SPAG16: variants seen among roughly 807,000 people sequenced by gnomAD.
SPAG16 encodes sperm associated antigen 16.
Under a neutral mutation model 80.4 loss-of-function variants are expected in SPAG16, and 86 were observed. The ratio of observed to expected loss-of-function variants is 1.07; its 90% confidence interval spans 0.90 to 1.28. The LOEUF (loss-of-function observed/expected upper bound fraction) is 1.28. Ranked by LOEUF, SPAG16 falls within the 50% of genes most tolerant of loss-of-function variation. The pLI is 0.00. For synonymous variants in SPAG16, 294 were observed against 265.9 expected, an observed-to-expected ratio of 1.11 and a Z score of -1.03; for missense variants, 870 against 765.3, an observed-to-expected ratio of 1.14 and a Z score of -1.61.
Position 214,256,788 on chromosome 2 carries a change from T to G in SPAG16, c.1720+107522T>G, listed in dbSNP as rs200499805. ...TTGTTACATTGATCTATTGTCAATTTTTATGCCAGTACCACACTTTCCTTA... is the reference window on the plus strand; with the variant it reads ...TTGTTACATTGATCTATTGTCAATTGTTATGCCAGTACCACACTTTCCTTA... On this transcript the variant is annotated intron_variant, in intron 15 of 15. Transcript: ENST00000331683. Among the ~76,000 whole-genome samples the G allele has an allele frequency of 2.6e-5, 4 of 151,864 alleles. No homozygotes were observed. In the East Asian group the frequency reaches 7.7e-4, roughly 29 times the overall value.
At chr2:214,005,226 T>A (rs561046569) in intron 12 of SPAG16, among the ~76,000 whole-genome samples, 4 of 152,318 alleles carry the variant, frequency 2.6e-5, no homozygotes, top group East Asian at 1.9e-4. Context: ...CCTGCACCCA[T>A]ATTCTTTGCG....
intron 5 of SPAG16, among the ~76,000 whole-genome samples, chr2:213,339,521 T>C (rs927344676): frequency 1.3e-4 from 20 of 152,348 alleles, no homozygotes; most frequent in African/African-American, 4.8e-4. Flanking sequence ...AAGAATCCTT[T>C]AGCTTGCTTT....
chr2:213,971,871 GT>G (rs1416640577), intron 12 of SPAG16, among the ~76,000 whole-genome samples: 1 of 145,358 alleles, frequency 6.9e-6, no homozygotes, highest in Non-Finnish European at 1.5e-5. Context: ...CTATTTTCTT[GT>G]TTTTTGGTTT....
At chr2:213,977,768 A>G (rs1483491241) in intron 12 of SPAG16, among the ~76,000 whole-genome samples, 1 of 151,912 alleles carries the variant, frequency 6.6e-6, no homozygotes, top group Non-Finnish European at 1.5e-5. Flanking sequence ...ACCTCTTTTT[A>G]TTTTGTACTG....
At chr2:213,630,944 G>T (rs991785012) in intron 10 of SPAG16, among the ~76,000 whole-genome samples, 1 of 152,184 alleles carries the variant, frequency 6.6e-6, no homozygotes, top group African/African-American at 2.4e-5. Flanking sequence ...TTGAGATGGG[G>T]TTGTTGTGGT....
chr2:213,889,959 G>A (rs2076725279), intron 11 of SPAG16, among the ~76,000 whole-genome samples: 1 of 151,748 alleles, frequency 6.6e-6, no homozygotes, highest in South Asian at 2.1e-4. Flanking sequence ...AAATTGTTGA[G>A]GAATAATTTT....
intron 10 of SPAG16, among the ~76,000 whole-genome samples, chr2:213,560,703 G>T (rs904195694): frequency 6.6e-6 from 1 of 152,106 alleles, no homozygotes; most frequent in Admixed American, 6.6e-5. Flanking sequence ...CACAATGTGA[G>T]TTAAGAATTA....
intron 7 of SPAG16, 30 bp from the exon 8 acceptor site, chr2:213,364,046 A>G: frequency 8.4e-7 from 1 of 1,188,670 alleles, no homozygotes; most frequent in East Asian, 2.8e-5. Flanking sequence ...TTTAGTGTAT[A>G]ATTTCATTTC....
intron 3 of SPAG16, among the ~76,000 whole-genome samples, chr2:213,308,920 A>G (rs748484069): frequency 6.6e-6 from 1 of 152,200 alleles, no homozygotes; most frequent in Non-Finnish European, 1.5e-5. Context: ...TGGATTATTT[A>G]GTTTGACATA....
Position 213,296,094 on chromosome 2 carries a change from A to C in SPAG16, c.167A>C (p.Asp56Ala). The C allele has an allele frequency of 6.2e-7, 1 of 1,608,402 alleles. No individual in the cohort carries two copies. The highest frequency in any genetic ancestry group is 8.5e-7 in the Non-Finnish European group (1 of 1,175,562). The change falls in exon 2 of 16, where the codon GAC becomes GCC. Residue 56 changes from aspartate (D) to alanine (A), a missense_variant. By Grantham distance (126) the Asp-to-Ala change is moderately radical. Coordinates refer to ENST00000331683, the MANE Select transcript of SPAG16 (RefSeq NM_024532.5). The part of the protein sequence containing the change: ...QVTITEASED[D>A]YEYEEIPDDN... ...ACCATAACTGAAGCATCTGAAGATG[A>C]CTATGAATATGAAGAGGTAACATGT...
chr2:213,407,574 T>C (rs2068683492), intron 9 of SPAG16, among the ~76,000 whole-genome samples: 2 of 145,576 alleles, frequency 1.4e-5, no homozygotes, highest in African/African-American at 5.2e-5. Flanking sequence ...CGCAGGTCCC[T>C]ACCCTAGGAG....
At chr2:213,526,063 A>C (rs1185376071) in intron 10 of SPAG16, among the ~76,000 whole-genome samples, 1 of 152,034 alleles carries the variant, frequency 6.6e-6, no homozygotes, top group Non-Finnish European at 1.5e-5. Context: ...TTTAAAATGG[A>C]TTTTTCTGGT....
intron 10 of SPAG16, among the ~76,000 whole-genome samples, chr2:213,686,918 C>T (rs565103123): frequency 6.0e-5 from 9 of 150,696 alleles, no homozygotes; most frequent in East Asian, 2.0e-4. Context: ...GTCCTGACCT[C>T]GTGATCTGCC....
chr2:213,460,069 T>C (rs1380495167), intron 9 of SPAG16, among the ~76,000 whole-genome samples: 2 of 152,226 alleles, frequency 1.3e-5, no homozygotes, highest in African/African-American at 4.8e-5. Flanking sequence ...CAAGTTGTTT[T>C]ATCTGGTCTT....
At chr2:214,068,445 A>G (rs1024851319) in intron 13 of SPAG16, among the ~76,000 whole-genome samples, 2 of 152,186 alleles carry the variant, frequency 1.3e-5, no homozygotes, top group African/African-American at 2.4e-5. Flanking sequence ...AAGTTTTATC[A>G]GTAACCATGG....
At chr2:213,702,639 A>G (rs889775247) in intron 10 of SPAG16, among the ~76,000 whole-genome samples, 2 of 152,180 alleles carry the variant, frequency 1.3e-5, no homozygotes, top group Admixed American at 6.5e-5. Context: ...ATTTCATCAT[A>G]TGATACTTCC....
intron 12 of SPAG16, among the ~76,000 whole-genome samples, chr2:214,003,520 C>G (rs2046890304): frequency 6.6e-6 from 1 of 152,094 alleles, no homozygotes; most frequent in Admixed American, 6.6e-5. Flanking sequence ...TACTCAGGTT[C>G]CTTCTACCTC....
rs141472974 is a variant in SPAG16 at position 214,324,058 on chromosome 2, G to T, written c.1721-86082G>T. On this transcript the variant is annotated intron_variant, in intron 15 of 15. Transcript: ENST00000331683. ...ATAGAGTAACCTTTAATTAATGAATGCATGGAACACATTTACATCAGAAAC... is the reference window on the plus strand; with the variant it reads ...ATAGAGTAACCTTTAATTAATGAATTCATGGAACACATTTACATCAGAAAC... Among the ~76,000 whole-genome samples, 1,076 of 152,230 alleles carry T rather than the reference G, an allele frequency of 7.1e-3. 10 individuals are homozygous for T. Among genetic ancestry groups the T allele is most frequent in the African/African-American group, 0.025 (1,037 of 41,550 alleles).
chr2:213,426,728 G>A (rs1256326193), intron 9 of SPAG16, among the ~76,000 whole-genome samples: 1 of 151,476 alleles, frequency 6.6e-6, no homozygotes, highest in Non-Finnish European at 1.5e-5. Context: ...TTAAAAGGGT[G>A]AACTGTTCTC....
Sources: gnomAD v4.1 joint callset for allele counts (sites outside exome capture counted in the v4.1 genomes callset) on GRCh38, gnomAD v4.1.1 for gene constraint, MANE v1.5 for transcripts, NCBI Gene and HGNC (gene_info 2026-07-23, HGNC 2026-07-21) for gene names.